Variants in CDC42BPB observed in about 807,000 individuals in gnomAD.
CDC42BPB encodes the protein CDC42 binding protein kinase beta, also known as serine/threonine-protein kinase MRCK beta.
In CDC42BPB, 37 loss-of-function variants were observed where a neutral mutation model predicts 214.9. The ratio of observed to expected loss-of-function variants is 0.17; its 90% confidence interval spans 0.13 to 0.23. The LOEUF (loss-of-function observed/expected upper bound fraction) is 0.23, where lower values mean the gene tolerates loss of function less well. Ranked by LOEUF, CDC42BPB falls within the 10% of genes least tolerant of loss-of-function variation. CDC42BPB has a pLI of 1.00. For missense variants in CDC42BPB, 1,694 were observed against 2,227.0 expected (o/e 0.76, Z 4.82); for synonymous variants, 931 against 884.0 (o/e 1.05, Z -0.94).
Position 102,975,868 on chromosome 14 carries a change from C to T in CDC42BPB, c.1387+15G>A, listed in dbSNP as rs775356177. ...CAGCGCCCCCGCCTGGCCCCGGAGCCGGCGCTGCCCTCACCTTGCAGCTTC... is the reference window on the plus strand; with the variant it reads ...CAGCGCCCCCGCCTGGCCCCGGAGCTGGCGCTGCCCTCACCTTGCAGCTTC... On this transcript the variant is annotated intron_variant, in intron 10 of 36. Transcript: ENST00000361246. 21 of 1,613,986 alleles carry T rather than the reference C, an allele frequency of 1.3e-5. No homozygotes were observed. Among genetic ancestry groups the T allele is most frequent in the South Asian group, 4.4e-5 (4 of 91,074 alleles).
intron 1 of CDC42BPB, among the ~76,000 whole-genome samples, chr14:103,023,963 G>C (rs776861000): frequency 6.6e-6 from 1 of 152,200 alleles, no homozygotes; most frequent in African/African-American, 2.4e-5. Context: ...CAGCACTGAT[G>C]GGGGCGGTGC....
rs139436458 is a variant in CDC42BPB, at chr14:102,988,091, T to C, written c.597-1511A>G. On this transcript the variant is annotated intron_variant, in intron 5 of 36. Transcript: ENST00000361246. ...AATAGAAGAAACAGATAAAATCTTATCAGAAATGAAATTATAAGAGGACCA... is the reference window on the plus strand; with the variant it reads ...AATAGAAGAAACAGATAAAATCTTACCAGAAATGAAATTATAAGAGGACCA... Among the ~76,000 whole-genome samples the C allele has an allele frequency of 9.9e-5, 15 of 151,898 alleles. No individual in the cohort carries two copies. In the East Asian group the frequency reaches 2.5e-3, roughly 25 times the overall value.
chr14:103,004,951 A>AG lies in CDC42BPB; in HGVS notation c.352-929dup, dbSNP rs1236331795. Reference sequence around the variant, plus strand: ...GGGAGGCCGAGGTGGGTGGATCACGAGGTCAGGAGATCAAGACCATCCTGG... The same window carrying AG: ...GGGAGGCCGAGGTGGGTGGATCACGAGGGTCAGGAGATCAAGACCATCCTGG... On this transcript the variant is annotated intron_variant, in intron 3 of 36. Transcript: ENST00000361246. This position sits in a 1 kb window ranked among gnomAD's most constrained non-coding sequence, Gnocchi z 5.3. Among the ~76,000 whole-genome samples, 2 of 151,828 alleles carry AG rather than the reference A, an allele frequency of 1.3e-5. No individual in the cohort carries two copies. The highest frequency in any genetic ancestry group is 2.9e-5 in the Non-Finnish European group (2 of 67,948).
At chr14:103,010,279 C>T (rs1277623344) in intron 2 of CDC42BPB, among the ~76,000 whole-genome samples, 1 of 152,020 alleles carries the variant, frequency 6.6e-6, no homozygotes, top group African/African-American at 2.4e-5. Flanking sequence ...AGAGCAAGAC[C>T]CTATCTCAAA....
intron 1 of CDC42BPB, among the ~76,000 whole-genome samples, chr14:103,021,568 A>G (rs1424099310): frequency 6.6e-6 from 1 of 151,980 alleles, no homozygotes. Flanking sequence ...CTGCAGTCCC[A>G]GCTACTTGGG....
Position 102,944,832 on chromosome 14 carries a change from G to A in CDC42BPB, c.3812-345C>T, listed in dbSNP as rs945353530. 1.3e-5 allele frequency among the ~76,000 whole-genome samples: 2 copies of A among 152,190 alleles called. No homozygotes were observed. The highest frequency in any genetic ancestry group is 6.5e-5 in the Admixed American group (1 of 15,286). On this transcript the variant is annotated intron_variant, in intron 29 of 36. Coordinates refer to ENST00000361246, the MANE Select transcript of CDC42BPB (RefSeq NM_006035.4). The surrounding 1 kb of genome is among the most constrained non-coding windows in gnomAD (Gnocchi z 6.6). ...GGTCCTCGCGCAGCAAGGCCCTGGGGTGATCTGGGCCTCCTTCCAGCTCAT... is the reference window on the plus strand; with the variant it reads ...GGTCCTCGCGCAGCAAGGCCCTGGGATGATCTGGGCCTCCTTCCAGCTCAT...
intron 1 of CDC42BPB, among the ~76,000 whole-genome samples, chr14:103,023,439 T>G (rs555236927): frequency 6.6e-6 from 1 of 152,182 alleles, no homozygotes; most frequent in South Asian, 2.1e-4. Context: ...AGTGCTGGGA[T>G]TACAGGGATG....
At chr14:102,967,279 T>C in intron 16 of CDC42BPB, 109 bp from the exon 17 acceptor site, 3 of 1,436,232 alleles carry the variant, frequency 2.1e-6, no homozygotes, top group East Asian at 2.5e-5. Flanking sequence ...TCTTTAATCG[T>C]CATGAGATTT....
chr14:103,023,230 C>T (rs538664509), intron 1 of CDC42BPB, among the ~76,000 whole-genome samples: 48 of 150,478 alleles, frequency 3.2e-4, no homozygotes, highest in African/African-American at 1.2e-3. Flanking sequence ...TGCACTGGCG[C>T]GATCTCGGCT....
chr14:102,944,453 G>A lies in CDC42BPB; in HGVS notation c.3846C>T (p.His1282=). 6.2e-7 allele frequency: 1 copy of A among 1,612,874 alleles called. No homozygotes were observed. Among genetic ancestry groups the A allele is most frequent in the Non-Finnish European group, 8.5e-7 (1 of 1,179,950 alleles). The stretch of plus-strand genomic sequence containing the variant: ...TCTCCCTGGGAGCAAGCTCGATCTG[G>A]TGTACCTTCTTACAGTCAGCGGCAC... ...IVRAADCKKV[H]QIELAPREKI... is the part of the protein sequence containing the mutation. The change falls in exon 30 of 37, where the codon CAC becomes CAT. Residue 1282 remains histidine (H), a synonymous_variant. Transcript: ENST00000361246. The surrounding 1 kb of genome is among the most constrained non-coding windows in gnomAD (Gnocchi z 6.6).
intron 9 of CDC42BPB, 115 bp downstream of exon 9, chr14:102,978,011 G>A: frequency 1.4e-6 from 1 of 736,384 alleles, no homozygotes; most frequent in Non-Finnish European, 2.4e-6. Context: ...TTAAGTAATG[G>A]CCTCCCAGCG....
In CDC42BPB at chr14:102,939,627, G is replaced by C; in HGVS notation, c.4810C>G (p.Leu1604Val). 1 of 1,613,664 alleles carries C rather than the reference G, an allele frequency of 6.2e-7. No individual in the cohort carries two copies. Among genetic ancestry groups the C allele is most frequent in the Non-Finnish European group, 8.5e-7 (1 of 1,179,628 alleles). ...HMGPGDGMQV[L>V]MDLPLSAVPP... ...GCACGCACCAGAGGCAGGTCCATGAGCACCTGCATGCCGTCGCCTGGGCCC... is the reference window on the plus strand; with the variant it reads ...GCACGCACCAGAGGCAGGTCCATGACCACCTGCATGCCGTCGCCTGGGCCC... Residue 1604 changes from leucine to valine, a missense_variant, in exon 34 of 37, where the codon CTC becomes GTC. Coordinates refer to ENST00000361246, the MANE Select transcript of CDC42BPB (RefSeq NM_006035.4).
intron 5 of CDC42BPB, among the ~76,000 whole-genome samples, chr14:102,997,446 G>A (rs986407035): frequency 1.3e-5 from 2 of 152,092 alleles, no homozygotes; most frequent in African/African-American, 4.8e-5. Context: ...AAAAATGAAC[G>A]GCTCGGAAAA....
At chr14:103,056,823 G>A (rs900179386) in intron 1 of CDC42BPB, among the ~76,000 whole-genome samples, 176 bp downstream of exon 1, 3 of 151,866 alleles carry the variant, frequency 2.0e-5, no homozygotes, top group Admixed American at 1.3e-4. Context: ...CGGCTGGAGA[G>A]AGATGGGCTG....
chr14:102,951,735 T>C (rs1892499349), intron 24 of CDC42BPB, among the ~76,000 whole-genome samples: 1 of 151,966 alleles, frequency 6.6e-6, no homozygotes, highest in Admixed American at 6.5e-5. Flanking sequence ...TGCAGTAAGC[T>C]GAAATTGAGC....
At chr14:102,942,905 G>A (rs144479230) in intron 30 of CDC42BPB, among the ~76,000 whole-genome samples, 1 of 152,118 alleles carries the variant, frequency 6.6e-6, no homozygotes, top group Non-Finnish European at 1.5e-5. Context: ...GTCTCGCTCT[G>A]TTGTCCAGGC....
At chr14:102,964,793 G>C in intron 18 of CDC42BPB, 143 bp from the exon 19 acceptor site, 1 of 1,304,498 alleles carries the variant, frequency 7.7e-7, no homozygotes, top group Non-Finnish European at 9.7e-7. Flanking sequence ...AGGTGCCTCA[G>C]GAGTTTTAGT....
At chr14:103,037,090 CAGACTTTT>C (rs34014480) in intron 1 of CDC42BPB, among the ~76,000 whole-genome samples, 7,793 of 146,776 alleles carry the variant, frequency 0.053, 649 homozygotes, top group African/African-American at 0.18. Context: ...CTGGCCATCT[CAGACTTTT>C]AGACTTATCA....
intron 4 of CDC42BPB, among the ~76,000 whole-genome samples, chr14:103,002,902 T>C (rs887343901): frequency 2.0e-5 from 3 of 152,130 alleles, no homozygotes; most frequent in South Asian, 2.1e-4. Flanking sequence ...TACACATTTT[T>C]CCCTAATCCT....
Sources: gnomAD v4.1 joint callset for allele counts (sites outside exome capture counted in the v4.1 genomes callset) on GRCh38, gnomAD v4.1.1 for gene constraint, Gnocchi (gnomAD v3.1) non-coding constraint, MANE v1.5 for transcripts, NCBI Gene and HGNC (gene_info 2026-07-23, HGNC 2026-07-21) for gene names.